Variants in CSMD1 observed in about 807,000 individuals in gnomAD.
CSMD1 encodes CUB and Sushi multiple domains 1.
A neutral mutation model predicts 417.5 loss-of-function variants in CSMD1; 213 were observed. That is an observed-to-expected ratio of 0.51 (90% CI 0.46 to 0.57). CSMD1 has a LOEUF of 0.57. Among genes scored for constraint, CSMD1 ranks in the 20% least tolerant of loss-of-function variants. The pLI is 0.00. For missense variants in CSMD1, 6,923 were observed against 4,529.7 expected (o/e 1.53, Z -15.17); for synonymous variants, 2,862 against 1,736.8 (o/e 1.65, Z -16.11).
At chr8:3,645,737 C>G (rs1424410822) in intron 7 of CSMD1, among the ~76,000 whole-genome samples, 7 of 152,122 alleles carry the variant, frequency 4.6e-5, no homozygotes, top group African/African-American at 1.4e-4. Context: ...CTGCTGGCAT[C>G]TGGAGGCAAA....
intron 7 of CSMD1, among the ~76,000 whole-genome samples, chr8:3,626,267 C>A (rs566563094): frequency 2.9e-4 from 44 of 152,290 alleles, no homozygotes; most frequent in African/African-American, 1.0e-3. Context: ...GCTCTAGTCT[C>A]CTTCTGCACA....
intron 18 of CSMD1, among the ~76,000 whole-genome samples, chr8:3,375,408 A>T (rs1810242456): frequency 6.6e-6 from 1 of 151,818 alleles, no homozygotes; most frequent in Admixed American, 6.6e-5. Flanking sequence ...CTTTTTTTCC[A>T]TCATTTTCTT....
intron 2 of CSMD1, among the ~76,000 whole-genome samples, chr8:4,434,224 G>C (rs546461509): frequency 6.6e-6 from 1 of 152,220 alleles, no homozygotes; most frequent in African/African-American, 2.4e-5. Flanking sequence ...TGTAATCCCA[G>C]CTAATTCCAT....
At chr8:3,106,222 CAAAA>C (rs71199537) in intron 46 of CSMD1, among the ~76,000 whole-genome samples, 1 of 126,238 alleles carries the variant, frequency 7.9e-6, no homozygotes, top group Admixed American at 8.3e-5. Flanking sequence ...CCCATTTCTA[CAAAA>C]AAAAAAAAAA....
intron 16 of CSMD1, among the ~76,000 whole-genome samples, chr8:3,398,561 G>C (rs1811840362): frequency 6.6e-6 from 1 of 152,132 alleles, no homozygotes; most frequent in Non-Finnish European, 1.5e-5. Flanking sequence ...CATCTATCTT[G>C]AGACACCATA....
intron 2 of CSMD1, among the ~76,000 whole-genome samples, chr8:4,568,939 A>C (rs1157137665): frequency 6.6e-6 from 1 of 152,110 alleles, no homozygotes; most frequent in Non-Finnish European, 1.5e-5. Context: ...GTGTCTGTTC[A>C]TATCCTTCAC....
At chr8:4,389,645 C>T (rs1803711100) in intron 3 of CSMD1, among the ~76,000 whole-genome samples, 1 of 152,172 alleles carries the variant, frequency 6.6e-6, no homozygotes, top group African/African-American at 2.4e-5. Context: ...GTAGTATCCA[C>T]TTCCCTCCCT....
intron 1 of CSMD1, among the ~76,000 whole-genome samples, chr8:4,754,358 G>A (rs887449167): frequency 9.2e-5 from 14 of 152,190 alleles, no homozygotes; most frequent in East Asian, 1.9e-4. Flanking sequence ...TGGCTACAGC[G>A]CTATCCCACC....
chr8:4,557,552 G>A (rs906776602), intron 2 of CSMD1, among the ~76,000 whole-genome samples: 4 of 151,374 alleles, frequency 2.6e-5, no homozygotes, highest in Admixed American at 2.6e-4. Context: ...TGAGAATGAA[G>A]GCAGAAAAAC....
intron 7 of CSMD1, among the ~76,000 whole-genome samples, chr8:3,698,475 C>A (rs906594136): frequency 2.0e-5 from 3 of 152,220 alleles, no homozygotes; most frequent in African/African-American, 4.8e-5. Flanking sequence ...CCGTCAAAAT[C>A]TGCTTTAAAG....
At chr8:4,028,854 T>G (rs1797199148) in intron 4 of CSMD1, among the ~76,000 whole-genome samples, 1 of 152,228 alleles carries the variant, frequency 6.6e-6, no homozygotes, top group Non-Finnish European at 1.5e-5. Flanking sequence ...AATTTTGTAC[T>G]CAAAAGATAA....
At chr8:4,882,664 C>G (rs906577301) in intron 1 of CSMD1, among the ~76,000 whole-genome samples, 1 of 151,910 alleles carries the variant, frequency 6.6e-6, no homozygotes, top group Admixed American at 6.6e-5. Flanking sequence ...GTTGTAGACT[C>G]TTCAAATTAT....
chr8:2,991,932 G>T (rs764351265), intron 54 of CSMD1, among the ~76,000 whole-genome samples: 1 of 152,096 alleles, frequency 6.6e-6, no homozygotes, highest in Non-Finnish European at 1.5e-5. Context: ...AAAACCTGAC[G>T]TTATTTCCTA....
chr8:4,694,834 G>T (rs181639081), intron 1 of CSMD1, among the ~76,000 whole-genome samples: 114 of 152,116 alleles, frequency 7.5e-4, no homozygotes, highest in African/African-American at 2.7e-3. Flanking sequence ...ACCGAGACCT[G>T]TCTCAGATAT....
At chr8:3,404,614 A>G (rs938840982) in intron 15 of CSMD1, among the ~76,000 whole-genome samples, 24 of 152,336 alleles carry the variant, frequency 1.6e-4, no homozygotes, top group African/African-American at 4.8e-4. Context: ...CTATTCACTT[A>G]TTAAAAATAA....
chr8:4,261,765 T>C (rs561636895), intron 3 of CSMD1, among the ~76,000 whole-genome samples: 28 of 152,172 alleles, frequency 1.8e-4, no homozygotes, highest in Non-Finnish European at 3.4e-4. Flanking sequence ...CTATGTGAAG[T>C]GATGAATATG....
At chr8:3,591,359 G>C (rs1372764241) in intron 8 of CSMD1, among the ~76,000 whole-genome samples, 1 of 152,122 alleles carries the variant, frequency 6.6e-6, no homozygotes, top group Non-Finnish European at 1.5e-5. Flanking sequence ...CTTTACCTCA[G>C]TATAAAGACT....
intron 5 of CSMD1, among the ~76,000 whole-genome samples, chr8:3,846,087 G>C (rs1803482353): frequency 7.3e-6 from 1 of 137,458 alleles, no homozygotes; most frequent in Non-Finnish European, 1.6e-5. Context: ...AGCAGCAGTA[G>C]ACTTCTATAA....
chr8:3,766,153 G>C (rs956889025), intron 5 of CSMD1, among the ~76,000 whole-genome samples: 2 of 152,196 alleles, frequency 1.3e-5, no homozygotes, highest in Non-Finnish European at 2.9e-5. Context: ...TTCTCTGTGG[G>C]TGTGTACTTT....
Sources: allele counts gnomAD v4.1 joint callset (sites outside exome capture counted in the v4.1 genomes callset), GRCh38; gene constraint gnomAD v4.1.1; transcripts MANE v1.5; gene names NCBI Gene and HGNC (gene_info 2026-07-23, HGNC 2026-07-21).